ENPP1: variants seen among roughly 807,000 people sequenced by gnomAD.
ENPP1 encodes ectonucleotide pyrophosphatase/phosphodiesterase 1, also known as ectonucleotide pyrophosphatase/phosphodiesterase family member 1.
Under a neutral mutation model 122.8 loss-of-function variants are expected in ENPP1, and 73 were observed. The ratio of observed to expected loss-of-function variants is 0.59; its 90% CI spans 0.49 to 0.72. ENPP1 has a LOEUF of 0.72. ENPP1 is among the 30% of genes least tolerant of loss of function. The probability of loss-of-function intolerance (pLI) is 0.00; values close to 1 mark genes in which losing one functional copy is unlikely to be tolerated. For synonymous variants in ENPP1, 367 were observed against 391.6 expected (o/e 0.94, Z 0.74); for missense variants, 978 against 1,128.1 (o/e 0.87, Z 1.91).
At chr6:131,884,130 ACAT>A (rs1562185655) in intron 22 of ENPP1, among the ~76,000 whole-genome samples, 1 of 152,214 alleles carries the variant, frequency 6.6e-6, no homozygotes, top group East Asian at 1.9e-4. Context: ...AATAGATTTT[ACAT>A]CATCATTAAC....
intron 9 of ENPP1, among the ~76,000 whole-genome samples, chr6:131,864,091 A>T (rs372674908): frequency 6.6e-6 from 1 of 152,200 alleles, no homozygotes; most frequent in African/African-American, 2.4e-5. Flanking sequence ...GGCATATTCA[A>T]TTCTGCTCAG....
chr6:131,872,152 T>C (rs1158661143), intron 14 of ENPP1, 51 bp downstream of exon 14: 1 of 1,248,328 alleles, frequency 8.0e-7, no homozygotes, highest in East Asian at 2.3e-5. Context: ...TTGTATAATA[T>C]ATATTGAGAG....
intron 1 of ENPP1, among the ~76,000 whole-genome samples, chr6:131,824,381 G>A (rs755336961): frequency 6.6e-6 from 1 of 152,080 alleles, no homozygotes; most frequent in African/African-American, 2.4e-5. Flanking sequence ...GGTGTGCAGC[G>A]CTGAGTGGAG....
chr6:131,815,579 T>C (rs1473459090), intron 1 of ENPP1, among the ~76,000 whole-genome samples: 1 of 152,180 alleles, frequency 6.6e-6, no homozygotes, highest in Non-Finnish European at 1.5e-5. Flanking sequence ...CCCCATCATA[T>C]CCTAATCATG....
In ENPP1 at chr6:131,847,766, C is replaced by A; in HGVS notation, c.241-10C>A. 1 of 1,587,950 alleles carries A rather than the reference C, an allele frequency of 6.3e-7. No individual in the cohort carries two copies. Among genetic ancestry groups the A allele is most frequent in the Non-Finnish European group, 8.6e-7 (1 of 1,160,054 alleles). On this transcript the variant is annotated splice_polypyrimidine_tract_variant and intron_variant, in intron 1 of 24. Coordinates refer to ENST00000647893, the MANE Select transcript of ENPP1 (RefSeq NM_006208.3). ...AAGAAACCATGTAATTTTCTCTTTTCTCCCTACAGGTATTGTCAGTATGTG... is the reference window on the plus strand; with the variant it reads ...AAGAAACCATGTAATTTTCTCTTTTATCCCTACAGGTATTGTCAGTATGTG...
rs1782223218 is a variant in ENPP1, at chr6:131,875,698, A to G, written c.1636-78A>G. 6 of 1,027,686 alleles carry G rather than the reference A, an allele frequency of 5.8e-6. No individual in the cohort carries two copies. The South Asian group carries it at 6.3e-5, about 11-fold the overall frequency. 63.7% of individuals were successfully genotyped at this position (1,027,686 alleles called of 1,614,324 possible). On this transcript the variant is annotated intron_variant, in intron 16 of 24. Transcript: ENST00000647893. ...ATCATAACCAGTTTGTATATGTACAATGTGGATAACAGAATTTTTGGGACC... is the reference window on the plus strand; with the variant it reads ...ATCATAACCAGTTTGTATATGTACAGTGTGGATAACAGAATTTTTGGGACC...
chr6:131,877,186 C>A, intron 18 of ENPP1, 25 bp downstream of exon 18: 2 of 1,608,786 alleles, frequency 1.2e-6, no homozygotes, highest in Non-Finnish European at 1.7e-6. Flanking sequence ...GAAGTTTGGT[C>A]CAGTATGTAT....
intron 1 of ENPP1, among the ~76,000 whole-genome samples, chr6:131,813,753 C>T (rs913823649): frequency 5.9e-5 from 9 of 152,058 alleles, no homozygotes; most frequent in African/African-American, 7.2e-5. Flanking sequence ...GAATTAAGTG[C>T]GTTTGACCTC....
intron 15 of ENPP1, among the ~76,000 whole-genome samples, chr6:131,873,813 CA>C (rs1175247272): frequency 1.3e-5 from 2 of 151,520 alleles, no homozygotes; most frequent in Non-Finnish European, 2.9e-5. Flanking sequence ...TTTTAGTTTT[CA>C]AAAAATATAT....
chr6:131,890,542 T>C lies in ENPP1; in HGVS notation c.*31T>C, dbSNP rs527864959. 2 of 1,562,360 alleles carry C rather than the reference T, an allele frequency of 1.3e-6. No individual in the cohort carries two copies. Among genetic ancestry groups the C allele is most frequent in the South Asian group, 2.2e-5 (2 of 89,988 alleles). ...TTTTTATCCCCAAACACCATGAATC[T>C]TTTTGAGAGAACCTTATATTTTATA... On this transcript the variant is annotated 3_prime_UTR_variant, in exon 25 of 25. Coordinates refer to ENST00000647893, the MANE Select transcript of ENPP1 (RefSeq NM_006208.3).
At chr6:131,887,725 A>ATTTTT (rs757759048) in intron 24 of ENPP1, among the ~76,000 whole-genome samples, 63 of 114,828 alleles carry the variant, frequency 5.5e-4, no homozygotes, top group African/African-American at 1.4e-3. Context: ...CACCCGGCTA[A>ATTTTT]TTTTTTTTTT....
intron 22 of ENPP1, among the ~76,000 whole-genome samples, chr6:131,884,064 C>A (rs1232671463): frequency 6.6e-6 from 1 of 152,100 alleles, no homozygotes; most frequent in Non-Finnish European, 1.5e-5. Flanking sequence ...AACTTTCATT[C>A]GGCTTCCTTA....
At chr6:131,884,586 A>C (rs567071324) in intron 22 of ENPP1, among the ~76,000 whole-genome samples, 1 of 152,302 alleles carries the variant, frequency 6.6e-6, no homozygotes, top group African/African-American at 2.4e-5. Flanking sequence ...AGCCTGGGAA[A>C]CAGTGAGATC....
In ENPP1 at chr6:131,891,594, G is replaced by A. The variant is rs918274716; in HGVS notation, c.*1083G>A. 1.3e-5 allele frequency: 2 copies of A among 152,022 alleles called. No individual in the cohort carries two copies. Among genetic ancestry groups the A allele is most frequent in the Non-Finnish European group, 2.9e-5 (2 of 68,000 alleles). 9.4% of individuals were successfully genotyped at this position (152,022 alleles called of 1,614,324 possible). On this transcript the variant is annotated 3_prime_UTR_variant, in exon 25 of 25. Coordinates refer to ENST00000647893, the MANE Select transcript of ENPP1 (RefSeq NM_006208.3). The stretch of plus-strand genomic sequence containing the variant: ...CCTTCAAAGACTGCATTAACTTTTA[G>A]GCTACATAGGTCCAATTGAGGTATA...
rs1781989834 is a variant in ENPP1 at position 131,859,494 on chromosome 6, T to G, written c.795+747T>G. On this transcript the variant is annotated intron_variant, in intron 7 of 24. Transcript: ENST00000647893. ...TCCACCTCCCGGGTTCAAGTAATTC[T>G]CCTGCCTCAGCCTCCCAAGTAGCTG... Among the ~76,000 whole-genome samples, 4 of 151,890 alleles carry G rather than the reference T, an allele frequency of 2.6e-5. No homozygotes were observed. In the South Asian group the frequency reaches 8.3e-4, roughly 32 times the overall value.
intron 19 of ENPP1, 72 bp from the exon 20 acceptor site, chr6:131,879,808 G>A (rs1304211766): frequency 2.3e-6 from 3 of 1,314,508 alleles, no homozygotes; most frequent in Admixed American, 3.4e-5. Context: ...GAAAGGATTA[G>A]ATGAGTGTAT....
intron 11 of ENPP1, 115 bp downstream of exon 11, chr6:131,865,053 A>G (rs544485908): frequency 1.2e-5 from 9 of 748,808 alleles, no homozygotes; most frequent in African/African-American, 1.0e-4. Context: ...GGAAAAAGCA[A>G]GTATTATACA....
At chr6:131,863,374 C>T (rs971578572) in intron 9 of ENPP1, among the ~76,000 whole-genome samples, 6 of 151,860 alleles carry the variant, frequency 4.0e-5, no homozygotes, top group Non-Finnish European at 5.9e-5. Context: ...CCTCTTTGGC[C>T]GATTTGAGCA....
In ENPP1 at chr6:131,834,766, G is replaced by A. The variant is rs940929537; in HGVS notation, c.241-13010G>A. Among the ~76,000 whole-genome samples the A allele has an allele frequency of 8.6e-5, 13 of 151,594 alleles. No individual in the cohort carries two copies. The East Asian group carries it at 1.4e-3, about 16-fold the overall frequency. Reference sequence around the variant, plus strand: ...AGTAGAGACGGGGTTTCACCATGTTGGCCAGGCTGGTCTCGAACTCCTGAC... The same window carrying A: ...AGTAGAGACGGGGTTTCACCATGTTAGCCAGGCTGGTCTCGAACTCCTGAC... On this transcript the variant is annotated intron_variant, in intron 1 of 24. Transcript: ENST00000647893.
Sources: gnomAD v4.1 joint callset for allele counts (sites outside exome capture counted in the v4.1 genomes callset) on GRCh38, gnomAD v4.1.1 for gene constraint, MANE v1.5 for transcripts, NCBI Gene and HGNC (gene_info 2026-07-23, HGNC 2026-07-21) for gene names.